Variants in POLM observed in about 807,000 individuals in gnomAD.
The protein encoded by POLM is DNA-directed DNA/RNA polymerase mu.
In POLM, 52 loss-of-function variants were observed where a neutral mutation model predicts 56.7. That is an observed-to-expected ratio of 0.92 (90% CI 0.73 to 1.15). The LOEUF (loss-of-function observed/expected upper bound fraction) is 1.15. Ranked by LOEUF, POLM falls within the 50% of genes most tolerant of loss-of-function variation. The probability of loss-of-function intolerance (pLI) is 0.00; values close to 1 mark genes in which losing one functional copy is unlikely to be tolerated. For missense variants in POLM, 660 were observed against 663.6 expected (o/e 0.99, Z 0.06); for synonymous variants, 273 against 274.3 (o/e 1.00, Z 0.05).
At chr7:44,080,090 A>T in intron 2 of POLM, 131 bp from the exon 3 acceptor site, 2 of 684,160 alleles carry the variant, frequency 2.9e-6, no homozygotes, top group Non-Finnish European at 5.2e-6. Context: ...GAGGTGGGCA[A>T]CAAAACACCA....
At chr7:44,073,572 T>C in intron 10 of POLM, 53 bp downstream of exon 10, 1 of 1,608,440 alleles carries the variant, frequency 6.2e-7, no homozygotes, top group Non-Finnish European at 8.5e-7. Flanking sequence ...AGATTGTGGG[T>C]CAGGGAGCGG....
In POLM at chr7:44,080,962, C is replaced by G. The variant is rs777573647; in HGVS notation, c.189-46G>C. On this transcript the variant is annotated intron_variant, in intron 1 of 10. Coordinates refer to ENST00000242248, the MANE Select transcript of POLM (RefSeq NM_013284.4). ...AGAAGGAGGAGGGTGAGGCCCAGAG[C>G]CCGTCCTGGTTGGCTCCAAGCCTTC... The G allele has an allele frequency of 2.7e-5, 40 of 1,499,938 alleles. 1 individual carries two copies. The South Asian group carries it at 5.0e-4, about 19-fold the overall frequency. The allele number at this position is 1,499,938 out of a possible 1,614,324, so 92.9% of individuals were successfully genotyped here.
chr7:44,079,616 C>T lies in POLM; in HGVS notation c.597G>A (p.Leu199=). The part of the protein sequence containing the change: ...LPSPVTTLSQ[L]QGLPHFGEHS... Reference sequence around the variant, plus strand: ...GTTCTCCAAAGTGGGGAAGCCCCTGCAGCTGGCTCAGGGTTGTGACAGGGC... The same window carrying T: ...GTTCTCCAAAGTGGGGAAGCCCCTGTAGCTGGCTCAGGGTTGTGACAGGGC... Residue 199 remains leucine, a synonymous_variant, in exon 4 of 11, where the codon CTG becomes CTA. Transcript: ENST00000242248. The T allele has an allele frequency of 6.2e-7, 1 of 1,613,916 alleles. No individual in the cohort carries two copies. The highest frequency in any genetic ancestry group is 8.5e-7 in the Non-Finnish European group (1 of 1,179,984).
At chr7:44,076,925 C>T (rs570061186) in intron 5 of POLM, 85 of 277,458 alleles carry the variant, frequency 3.1e-4, no homozygotes, top group African/African-American at 1.5e-3. Flanking sequence ...CACATCAGCA[C>T]GAGGGGCTCC....
intron 8 of POLM, 31 bp from the exon 9 acceptor site, chr7:44,074,056 ATC>A: frequency 6.2e-7 from 1 of 1,610,316 alleles, no homozygotes; most frequent in Non-Finnish European, 8.5e-7. Context: ...GGCTGAGACC[ATC>A]CGGTGGTGTG....
Position 44,072,940 on chromosome 7 carries a change from C to T in POLM, c.*351G>A, listed in dbSNP as rs1586008057. The T allele has an allele frequency of 3.5e-6, 2 of 578,764 alleles. No individual in the cohort carries two copies. Among genetic ancestry groups the T allele is most frequent in the African/African-American group, 1.9e-5 (1 of 53,984 alleles). The allele number at this position is 578,764 out of a possible 1,614,324, so 35.9% of individuals were successfully genotyped here. On this transcript the variant is annotated 3_prime_UTR_variant, in exon 11 of 11. Coordinates refer to ENST00000242248, the MANE Select transcript of POLM (RefSeq NM_013284.4). Reference sequence around the variant, plus strand: ...GCAGTGCAACTAATGAGACACTGCACATCAGGGACCACTTGCCATTCATGA... The same window carrying T: ...GCAGTGCAACTAATGAGACACTGCATATCAGGGACCACTTGCCATTCATGA...
In POLM at chr7:44,072,998, C is replaced by T. The variant is rs2096172500; in HGVS notation, c.*293G>A. 2.0e-6 allele frequency: 2 copies of T among 1,004,340 alleles called. No homozygotes were observed. The highest frequency in any genetic ancestry group is 3.3e-5 in the African/African-American group (2 of 61,406). The allele number at this position is 1,004,340 out of a possible 1,614,324, so 62.2% of individuals were successfully genotyped here. On this transcript the variant is annotated 3_prime_UTR_variant, in exon 11 of 11. Transcript: ENST00000242248. Reference sequence around the variant, plus strand: ...CCCCACCACAGCTCCACGATGTGGGCCCCACTCACATCCCATCCAGGGCAG... The same window carrying T: ...CCCCACCACAGCTCCACGATGTGGGTCCCACTCACATCCCATCCAGGGCAG...
chr7:44,077,788 T>A (rs1425712831), intron 5 of POLM, among the ~76,000 whole-genome samples: 1 of 152,132 alleles, frequency 6.6e-6, no homozygotes, highest in African/African-American at 2.4e-5. Context: ...TCCCTGTCAA[T>A]CCTGACAACA....
intron 4 of POLM, 96 bp downstream of exon 4, chr7:44,079,475 T>C: frequency 8.4e-7 from 1 of 1,195,736 alleles, no homozygotes; most frequent in Non-Finnish European, 1.2e-6. Flanking sequence ...CACGACTGTC[T>C]GTCCTCACCC....
rs766172820 is a variant in POLM at position 44,074,081 on chromosome 7, G to C, written c.1071+50C>G. 25 of 1,607,738 alleles carry C rather than the reference G, an allele frequency of 1.6e-5. 1 individual carries two copies. The highest frequency in any genetic ancestry group is 3.3e-4 in the Middle Eastern group (2 of 6,082). On this transcript the variant is annotated intron_variant, in intron 8 of 10. Coordinates refer to ENST00000242248, the MANE Select transcript of POLM (RefSeq NM_013284.4). ...ATCCGGTGGTGTGGAGAGAGCAGGA[G>C]GCAGTGGCATTGGCCAGCGGTGGCT...
rs78449542 is a variant in POLM, at chr7:44,075,439, C to T, written c.836-909G>A. ...TGCTAACCATTCCTGACTACTCTTG[C>T]CATGGGGAGAGGCGATCAAGAGGAA... On this transcript the variant is annotated intron_variant, in intron 6 of 10. Coordinates refer to ENST00000242248, the MANE Select transcript of POLM (RefSeq NM_013284.4). Among the ~76,000 whole-genome samples the T allele has an allele frequency of 3.8e-3, 576 of 152,320 alleles. 1 individual carries two copies. The highest frequency in any genetic ancestry group is 6.8e-3 in the Middle Eastern group (2 of 292).
intron 6 of POLM, among the ~76,000 whole-genome samples, chr7:44,074,966 G>A (rs1013899526): frequency 5.9e-5 from 9 of 152,240 alleles, no homozygotes; most frequent in African/African-American, 1.9e-4. Context: ...TAAAAGGATG[G>A]AAGATGGCTT....
rs756630729 is a variant in POLM at position 44,080,779 on chromosome 7, A to C, written c.326T>G (p.Leu109Arg). 6.2e-7 allele frequency: 1 copy of C among 1,614,008 alleles called. No homozygotes were observed. Among genetic ancestry groups the C allele is most frequent in the Non-Finnish European group, 8.5e-7 (1 of 1,180,006 alleles). ...CACAGGTACAGGCTGCCCAGCTCCC[A>C]GGCTCTCTGTTAACCAGCTTATGTC... Reference protein sequence around the residue: ...LLDISWLTESLGAGQPVPVEC... With the variant: ...LLDISWLTESRGAGQPVPVEC... The change falls in exon 2 of 11, where the codon CTG becomes CGG. Residue 109 changes from leucine to arginine, a missense_variant. Transcript: ENST00000242248.
intron 2 of POLM, 58 bp from the exon 3 acceptor site, chr7:44,080,017 GCCGT>G: frequency 1.6e-6 from 2 of 1,258,236 alleles, no homozygotes; most frequent in Admixed American, 3.6e-5. Flanking sequence ...GGAGAGCCAG[GCCGT>G]ACTCAGGCTT....
chr7:44,082,225 C>A, intron 1 of POLM, 26 bp downstream of exon 1: 1 of 1,423,928 alleles, frequency 7.0e-7, no homozygotes, highest in Admixed American at 3.3e-5. Flanking sequence ...CCATGGAAGC[C>A]CTCGCCGCGC....
rs535950802 is a variant in POLM, at chr7:44,081,455, C to T, written c.189-539G>A. On this transcript the variant is annotated intron_variant, in intron 1 of 10. Transcript: ENST00000242248. ...TGAGTGGGTCTGGCGCACTACTGAT[C>T]CCTGGTAATGTTAAAAAATCAAACA... Among the ~76,000 whole-genome samples, 5 of 152,326 alleles carry T rather than the reference C, an allele frequency of 3.3e-5. No individual in the cohort carries two copies. The South Asian group carries it at 6.2e-4, about 19-fold the overall frequency.
Position 44,073,628 on chromosome 7 carries a change from C to T in POLM, c.1395G>A (p.Glu465=), listed in dbSNP as rs537773746. 1.9e-6 allele frequency: 3 copies of T among 1,614,100 alleles called. No homozygotes were observed. In the African/African-American group the frequency reaches 4.0e-5, roughly 22 times the overall value. The change falls in exon 10 of 11, where the codon GAG becomes GAA. Residue 465 remains glutamate (E), a synonymous_variant. Coordinates refer to ENST00000242248, the MANE Select transcript of POLM (RefSeq NM_013284.4). ...WLNSHGLFDP[E]QKTFFQAASE... The stretch of plus-strand genomic sequence containing the variant: ...TCCCCAGTCCCCAACAATGTACCTG[C>T]TCCGGGTCAAACAGCCCATGGCTGT...
Position 44,073,688 on chromosome 7 carries a change from G to T in POLM, c.1335C>A (p.Arg445=), listed in dbSNP as rs1275475869. Residue 445 remains arginine (R), a synonymous_variant, in exon 10 of 11, where the codon CGC becomes CGA. Transcript: ENST00000242248. ...GGCCCTTCTCCTTCCGGCTGAAGCGGCGCAGCTCCCGCTGGAAAAGCTGTA... is the reference window on the plus strand; with the variant it reads ...GGCCCTTCTCCTTCCGGCTGAAGCGTCGCAGCTCCCGCTGGAAAAGCTGTA... ...TGSKLFQREL[R]RFSRKEKGLW... is the part of the protein sequence containing the mutation. 1 of 1,614,210 alleles carries T rather than the reference G, an allele frequency of 6.2e-7. No individual in the cohort carries two copies. The highest frequency in any genetic ancestry group is 2.2e-5 in the East Asian group (1 of 44,876).
At chr7:44,075,530 G>A (rs1562668697) in intron 6 of POLM, among the ~76,000 whole-genome samples, 1 of 152,190 alleles carries the variant, frequency 6.6e-6, no homozygotes, top group African/African-American at 2.4e-5. Context: ...GATGTGCGAA[G>A]AGGCAGTGGA....
Sources: gnomAD v4.1 joint callset for allele counts (sites outside exome capture counted in the v4.1 genomes callset) on GRCh38, gnomAD v4.1.1 for gene constraint, MANE v1.5 for transcripts, NCBI Gene and HGNC (gene_info 2026-07-23, HGNC 2026-07-21) for gene names.